TOP1MT: variants seen among roughly 807,000 people sequenced by gnomAD.
The protein encoded by TOP1MT is DNA topoisomerase I mitochondrial.
Under a neutral mutation model 73.9 loss-of-function variants are expected in TOP1MT, and 80 were observed. That is an observed-to-expected ratio of 1.08 (90% CI 0.90 to 1.30). The LOEUF is 1.30. TOP1MT is among the 50% of genes most tolerant of loss of function. TOP1MT has a pLI of 0.00. For missense variants in TOP1MT, 815 were observed against 808.0 expected (o/e 1.01, Z -0.10); for synonymous variants, 338 against 326.4 (o/e 1.04, Z -0.38).
chr8:143,356,656 T>G, upstream of TOP1MT, among the ~76,000 whole-genome samples: 1 of 150,294 alleles, frequency 6.7e-6, no homozygotes, highest in South Asian at 2.1e-4. Context: ...CATGGTGGTA[T>G]GCACCTGTAG....
intron 7 of TOP1MT, among the ~76,000 whole-genome samples, chr8:143,323,256 C>CCA (rs1816579080): frequency 3.6e-5 from 4 of 112,470 alleles, no homozygotes; most frequent in South Asian, 3.1e-4. Flanking sequence ...CACAGGCACG[C>CCA]CACACACATG....
chr8:143,329,565 C>G, intron 2 of TOP1MT, 94 bp from the exon 3 acceptor site: 1 of 1,439,322 alleles, frequency 6.9e-7, no homozygotes, highest in Non-Finnish European at 9.4e-7. Context: ...CGCTTTCGTG[C>G]GTACTATGCC....
intron 12 of TOP1MT, among the ~76,000 whole-genome samples, chr8:143,311,014 AGTTG>A (rs1815999190): frequency 1.4e-5 from 2 of 146,760 alleles, no homozygotes; most frequent in Admixed American, 1.4e-4. Context: ...GCTGGAGTGC[AGTTG>A]CATGATCTCA....
chr8:143,323,028 A>C (rs1423181676), intron 7 of TOP1MT, among the ~76,000 whole-genome samples: 1 of 78,224 alleles, frequency 1.3e-5, no homozygotes, highest in Non-Finnish European at 2.5e-5. Context: ...ATGCACACAC[A>C]CACATGCACG....
Position 143,315,790 on chromosome 8 carries a change from G to A in TOP1MT, c.1490C>T (p.Ala497Val). The A allele has an allele frequency of 6.2e-7, 1 of 1,613,842 alleles. No homozygotes were observed. Reference protein sequence around the residue: ...IQAKKEQVAEARAELRRARAE... With the variant: ...IQAKKEQVAEVRAELRRARAE... Reference sequence around the variant, plus strand: ...CCTCGCCCTCCTCAGCTCTGCCCTGGCCTCAGCCACCTGCTCCTTCTTTGC... The same window carrying A: ...CCTCGCCCTCCTCAGCTCTGCCCTGACCTCAGCCACCTGCTCCTTCTTTGC... Residue 497 changes from alanine to valine, a missense_variant, in exon 12 of 14, where the codon GCC (alanine) becomes GTC (valine). Ala to Val is a moderately conservative substitution (Grantham distance 64). Around this residue, in one of 3 missense-constraint regions of TOP1MT, gnomAD observed 751 missense variants for 725.4 expected, o/e 1.04. Transcript: ENST00000329245.
At chr8:143,321,857 C>CACACAG (rs1417575985) in intron 7 of TOP1MT, among the ~76,000 whole-genome samples, 3 of 88,680 alleles carry the variant, frequency 3.4e-5, no homozygotes, top group Non-Finnish European at 4.8e-5. Context: ...ACGCCACACA[C>CACACAG]GCATGCCACA....
At chr8:143,321,857 C>CACAG (rs1417575985) in intron 7 of TOP1MT, among the ~76,000 whole-genome samples, 1 of 88,644 alleles carries the variant, frequency 1.1e-5, no homozygotes, top group Admixed American at 1.3e-4. Context: ...ACGCCACACA[C>CACAG]GCATGCCACA....
intron 11 of TOP1MT, 30 bp downstream of exon 11, chr8:143,315,969 T>A (rs752803159): frequency 1.2e-6 from 2 of 1,613,846 alleles, no homozygotes; most frequent in African/African-American, 1.3e-5. Flanking sequence ...CCTTGAGGGC[T>A]GGGCTGGGGG....
intron 1 of TOP1MT, among the ~76,000 whole-genome samples, chr8:143,332,105 C>T (rs1446829996): frequency 6.6e-6 from 1 of 152,208 alleles, no homozygotes; most frequent in Non-Finnish European, 1.5e-5. Context: ...GTGGCGGCTA[C>T]AGCCCATCCT....
At chr8:143,320,314 T>G (rs1267344740) in intron 8 of TOP1MT, among the ~76,000 whole-genome samples, 11 of 152,116 alleles carry the variant, frequency 7.2e-5, no homozygotes, top group African/African-American at 2.6e-4. Flanking sequence ...GTATTTTTAG[T>G]AGAGACGGGG....
Position 143,313,254 on chromosome 8 carries a change from AAAG to A in TOP1MT, c.1553+2470_1553+2472del, listed in dbSNP as rs1816059414. Among the ~76,000 whole-genome samples the A allele has an allele frequency of 1.5e-4, 23 of 152,328 alleles. 1 individual carries two copies. In the South Asian group the frequency reaches 4.8e-3, roughly 32 times the overall value. On this transcript the variant is annotated intron_variant, in intron 12 of 13. Transcript: ENST00000329245. ...AAATGTGTCACAGGACACCAACAAGAAAGAAGAAAGATGTGGCCGGGCGCAGTT... is the reference window on the plus strand; with the variant it reads ...AAATGTGTCACAGGACACCAACAAGAAAGAAAGATGTGGCCGGGCGCAGTT...
chr8:143,313,029 G>T (rs1816053264), intron 12 of TOP1MT, among the ~76,000 whole-genome samples: 1 of 152,208 alleles, frequency 6.6e-6, no homozygotes, highest in South Asian at 2.1e-4. Context: ...GGTGAGCTAG[G>T]ATGCTGAGAC....
rs148068470 is a variant in TOP1MT at position 143,325,425 on chromosome 8, G to A, written c.592C>T (p.Arg198Cys). 2.5e-4 allele frequency: 408 copies of A among 1,612,928 alleles called. 3 individuals are homozygous for A. The African/African-American group carries it at 3.4e-3, about 13-fold the overall frequency. ...NFKIEPPGLF[R>C]GRGDHPKMGM... is the part of the protein sequence containing the mutation. ...ATCTTGGGATGGTCGCCACGGCCAC[G>A]GAACAAGCCAGGCGGCTCAATCTTG... Residue 198 changes from arginine to cysteine, a missense_variant, in exon 5 of 14, where the codon CGT (arginine) becomes TGT (cysteine). Around this residue, in one of 3 missense-constraint regions of TOP1MT, gnomAD observed 751 missense variants for 725.4 expected, o/e 1.04. Coordinates refer to ENST00000329245, the MANE Select transcript of TOP1MT (RefSeq NM_052963.3).
intron 1 of TOP1MT, among the ~76,000 whole-genome samples, chr8:143,333,595 G>T (rs949303727): frequency 6.6e-6 from 1 of 152,208 alleles, no homozygotes; most frequent in Non-Finnish European, 1.5e-5. Flanking sequence ...CAGCGGCCAG[G>T]CAGGGCTGCA....
At chr8:143,314,462 C>T (rs1264792592) in intron 12 of TOP1MT, among the ~76,000 whole-genome samples, 4 of 151,896 alleles carry the variant, frequency 2.6e-5, no homozygotes, top group African/African-American at 4.8e-5. Flanking sequence ...GGCGTGGTGG[C>T]GCGCACCTGT....
intron 3 of TOP1MT, among the ~76,000 whole-genome samples, chr8:143,326,986 A>G (rs1295058210): frequency 1.3e-5 from 2 of 152,124 alleles, no homozygotes; most frequent in African/African-American, 4.8e-5. Context: ...GAGGGGACAG[A>G]AGGACAGAAG....
intron 1 of TOP1MT, chr8:143,343,576 T>C (rs1184036750): frequency 3.8e-6 from 1 of 263,652 alleles, no homozygotes; most frequent in East Asian, 9.0e-5. Context: ...GGGCAGGCAG[T>C]AAAAGGCAGC....
rs764616681 is a variant in TOP1MT at position 143,326,289 on chromosome 8, G to T, written c.416C>A (p.Thr139Lys). 6.2e-7 allele frequency: 1 copy of T among 1,614,008 alleles called. No homozygotes were observed. The highest frequency in any genetic ancestry group is 2.2e-5 in the East Asian group (1 of 44,884). ...VIKSLDKCDF[T>K]EIHRYFVDKA... is the part of the protein sequence containing the mutation. ...GTCCACAAAGTATCTGTGGATCTCC[G>T]TGAAGTCACACTTGTCCAGGCTCTT... Residue 139 changes from threonine to lysine, a missense_variant, in exon 4 of 14, where the codon ACG becomes AAG. Thr to Lys is a moderately conservative substitution (Grantham distance 78, BLOSUM62 -1). Transcript: ENST00000329245.
intron 1 of TOP1MT, 27 bp downstream of exon 1, chr8:143,334,713 C>T (rs770567001): frequency 1.9e-6 from 3 of 1,597,668 alleles, no homozygotes; most frequent in South Asian, 1.1e-5. Context: ...TCAGGGCCCT[C>T]GCCGCCTGCT....
Sources: gnomAD v4.1 joint callset for allele counts (sites outside exome capture counted in the v4.1 genomes callset) on GRCh38, gnomAD v4.1.1 for gene constraint, gnomAD v4.1.1 regional missense constraint, MANE v1.5 for transcripts, NCBI Gene and HGNC (gene_info 2026-07-23, HGNC 2026-07-21) for gene names.